The following PREX1 variants were observed in gnomAD, a reference collection of about 807,000 sequenced individuals.
PREX1 encodes phosphatidylinositol 3,4,5-trisphosphate-dependent Rac exchanger 1 protein.
Under a neutral mutation model 198.3 loss-of-function variants are expected in PREX1, and 41 were observed. That is an observed-to-expected ratio of 0.21 (90% CI 0.16 to 0.27). The LOEUF is 0.27. Among genes scored for constraint, PREX1 ranks in the 10% least tolerant of loss-of-function variants. The pLI is 1.00. For missense variants in PREX1, 1,620 were observed against 2,200.7 expected (o/e 0.74, Z 5.28); for synonymous variants, 843 against 887.2 (o/e 0.95, Z 0.89).
intron 1 of PREX1, among the ~76,000 whole-genome samples, chr20:48,758,389 C>T (rs914133927): frequency 6.6e-6 from 1 of 152,166 alleles, no homozygotes; most frequent in Non-Finnish European, 1.5e-5. Flanking sequence ...GGCAGTGGAG[C>T]GTCCCTCTGG....
the PREX1 span, among the ~76,000 whole-genome samples, chr20:48,864,280 G>A: frequency 6.6e-6 from 1 of 152,146 alleles, no homozygotes; most frequent in African/African-American, 2.4e-5. Context: ...TATTTACAGA[G>A]GACCTATTAT....
At chr20:48,779,132 T>A (rs899819846) in intron 1 of PREX1, among the ~76,000 whole-genome samples, 5 of 152,182 alleles carry the variant, frequency 3.3e-5, no homozygotes, top group Admixed American at 6.5e-5. Flanking sequence ...ATATTCAGAA[T>A]ACAACCCTAA....
the PREX1 span, among the ~76,000 whole-genome samples, chr20:48,880,460 CA>C: frequency 6.6e-6 from 1 of 152,210 alleles, no homozygotes; most frequent in African/African-American, 2.4e-5. Context: ...CTCTTTCTAT[CA>C]TCCTGCCTCA....
chr20:48,819,148 C>T (rs1227868188), intron 1 of PREX1, among the ~76,000 whole-genome samples: 1 of 152,156 alleles, frequency 6.6e-6, no homozygotes, highest in Admixed American at 6.5e-5. Context: ...CATGCCATAT[C>T]CAACTGAAAG....
rs1441469755 is a variant in PREX1, at chr20:48,793,204, A to AAAAT, written c.219+34434_219+34437dup. On this transcript the variant is annotated intron_variant, in intron 1 of 39. Transcript: ENST00000371941. The stretch of plus-strand genomic sequence containing the variant: ...GGATAACAGAGCAAGAAACTGTCTC[A>AAAAT]AAATAAATAAATAAATACATACATA... 2.6e-4 allele frequency among the ~76,000 whole-genome samples: 40 copies of AAAAT among 152,340 alleles called. No homozygotes were observed. The East Asian group carries it at 6.2e-3, about 23-fold the overall frequency.
chr20:48,886,428 G>A, the PREX1 span, among the ~76,000 whole-genome samples: 3 of 152,070 alleles, frequency 2.0e-5, no homozygotes, highest in Admixed American at 6.6e-5. Context: ...ACCCCCAGGC[G>A]CTGGCCAGGC....
chr20:48,681,949 G>A (rs759294299), intron 10 of PREX1, among the ~76,000 whole-genome samples: 8 of 151,984 alleles, frequency 5.3e-5, no homozygotes, highest in Non-Finnish European at 8.8e-5. Flanking sequence ...AGATGATGGC[G>A]GGGAGTCAGG....
At position 48,734,795 on chromosome 20, in the gene PREX1, G is replaced by T. The variant is rs3746818; in HGVS notation, c.415-145C>A. 2,209 of 632,950 alleles carry T rather than the reference G, an allele frequency of 3.5e-3. 29 individuals are homozygous for T. In the East Asian group the frequency reaches 0.04, roughly 11 times the overall value. The allele number at this position is 632,950 out of a possible 1,614,324, so 39.2% of individuals were successfully genotyped here. A position where few individuals can be genotyped will look rare whatever the true frequency, so the allele number is the denominator to read the frequency against. On this transcript the variant is annotated intron_variant, in intron 3 of 39. Transcript: ENST00000371941. ...TACAGCAGGAGGTATCTCAGGTAAAGCGGCTCCACTCACTACCAGCTTCCC... is the reference window on the plus strand; with the variant it reads ...TACAGCAGGAGGTATCTCAGGTAAATCGGCTCCACTCACTACCAGCTTCCC...
intron 10 of PREX1, among the ~76,000 whole-genome samples, chr20:48,686,102 C>T (rs1001356272): frequency 6.6e-6 from 1 of 152,112 alleles, no homozygotes; most frequent in African/African-American, 2.4e-5. Context: ...CCTCGGTTTC[C>T]TCACTTTTAA....
Position 48,659,861 on chromosome 20 carries a change from T to C in PREX1, c.1881+58A>G, listed in dbSNP as rs561765372. ...GTGCATAACCAGAAGGTCGCCCAGC[T>C]CCCATGCCTGCAGGGGGCTCTGGCA... On this transcript the variant is annotated intron_variant, in intron 16 of 39. Coordinates refer to ENST00000371941, the MANE Select transcript of PREX1 (RefSeq NM_020820.4). 6.2e-6 allele frequency: 10 copies of C among 1,609,328 alleles called. No individual in the cohort carries two copies. In the East Asian group the frequency reaches 2.2e-4, roughly 36 times the overall value.
At chr20:48,680,244 G>C (rs1404132194) in intron 11 of PREX1, among the ~76,000 whole-genome samples, 2 of 152,102 alleles carry the variant, frequency 1.3e-5, no homozygotes, top group African/African-American at 4.8e-5. Context: ...TAACCTTCAA[G>C]ATACCAATCA....
intron 25 of PREX1, 74 bp from the exon 26 acceptor site, chr20:48,646,131 G>A: frequency 6.8e-7 from 1 of 1,474,122 alleles, no homozygotes; most frequent in Non-Finnish European, 9.4e-7. Flanking sequence ...AATCCCACCA[G>A]CAGCTGCAGG....
chr20:48,744,154 C>T (rs764163295), intron 3 of PREX1, among the ~76,000 whole-genome samples: 23 of 152,120 alleles, frequency 1.5e-4, no homozygotes, highest in Admixed American at 6.5e-4. Flanking sequence ...TGTTTGGTGG[C>T]ATCCCTGGCC....
At chr20:48,650,507 T>A (rs2122894880) in intron 23 of PREX1, among the ~76,000 whole-genome samples, 1 of 152,234 alleles carries the variant, frequency 6.6e-6, no homozygotes, top group African/African-American at 2.4e-5. Context: ...AGGTTCAGGG[T>A]CAACGTGCCT....
chr20:48,823,456 G>A lies in PREX1; in HGVS notation c.219+4186C>T, dbSNP rs555054784. On this transcript the variant is annotated intron_variant, in intron 1 of 39. Transcript: ENST00000371941. ...GGTGCTACACTGTGCCCGTTGGACA[G>A]ATGTGGAAACTGAGGCACAGAGCAA... Among the ~76,000 whole-genome samples, 203 of 152,344 alleles carry A rather than the reference G, an allele frequency of 1.3e-3. 1 individual carries two copies. The highest frequency in any genetic ancestry group is 4.1e-3 in the African/African-American group (172 of 41,578).
At chr20:48,671,971 C>T (rs896738069) in intron 14 of PREX1, among the ~76,000 whole-genome samples, 30 of 152,218 alleles carry the variant, frequency 2.0e-4, no homozygotes, top group African/African-American at 5.3e-4. Flanking sequence ...CAACAAGATG[C>T]GGGTGCCTGG....
chr20:48,722,824 T>C (rs941985649), intron 5 of PREX1, among the ~76,000 whole-genome samples: 6 of 152,188 alleles, frequency 3.9e-5, no homozygotes, highest in African/African-American at 1.2e-4. Context: ...CCAGCCCAAG[T>C]CTGGAAGCTC....
chr20:48,723,684 G>T (rs555562935), intron 5 of PREX1, among the ~76,000 whole-genome samples: 1 of 152,148 alleles, frequency 6.6e-6, no homozygotes, highest in Non-Finnish European at 1.5e-5. Context: ...CTTTTCCTGC[G>T]GGCCATTTCC....
chr20:48,656,182 A>C (rs1012876096), intron 18 of PREX1, among the ~76,000 whole-genome samples: 17 of 152,204 alleles, frequency 1.1e-4, no homozygotes, highest in Admixed American at 4.6e-4. Context: ...TGTTAAATAA[A>C]AGGGAAAAGT....
Sources: allele counts gnomAD v4.1 joint callset (sites outside exome capture counted in the v4.1 genomes callset), GRCh38; gene constraint gnomAD v4.1.1; transcripts MANE v1.5; gene names NCBI Gene and HGNC (gene_info 2026-07-23, HGNC 2026-07-21).